The following PAK5 variants were observed in gnomAD, a reference collection of about 807,000 sequenced individuals.
The protein encoded by PAK5 is serine/threonine-protein kinase PAK 5.
A neutral mutation model predicts 65.9 loss-of-function variants in PAK5; 16 were observed. That is an observed-to-expected ratio of 0.24 (90% CI 0.16 to 0.37). The LOEUF is 0.37. Among genes scored for constraint, PAK5 ranks in the 10% least tolerant of loss-of-function variants. The probability of loss-of-function intolerance (pLI) is 1.00; values close to 1 mark genes in which losing one functional copy is unlikely to be tolerated. For synonymous variants in PAK5, 371 were observed against 354.9 expected, an observed-to-expected ratio of 1.05 and a Z score of -0.51; for missense variants, 785 against 903.9, an observed-to-expected ratio of 0.87 and a Z score of 1.69.
At chr20:9,662,566 GAGA>G (rs746078135) in intron 2 of PAK5, among the ~76,000 whole-genome samples, 9 of 152,130 alleles carry the variant, frequency 5.9e-5, no homozygotes, top group Non-Finnish European at 1.2e-4. Context: ...GCTGGATGCA[GAGA>G]AGAACAAAGT....
intron 2 of PAK5, among the ~76,000 whole-genome samples, chr20:9,663,793 T>C (rs2014329296): frequency 6.6e-6 from 1 of 152,158 alleles, no homozygotes; most frequent in South Asian, 2.1e-4. Context: ...TGCGAACTTT[T>C]TGAATAACAC....
intron 3 of PAK5, among the ~76,000 whole-genome samples, chr20:9,606,498 C>T (rs752715488): frequency 2.0e-5 from 3 of 152,134 alleles, no homozygotes; most frequent in Admixed American, 6.5e-5. Context: ...ACATGTGGAC[C>T]GTAGCCCAGG....
At chr20:9,832,776 A>G (rs1421938289) in intron 1 of PAK5, among the ~76,000 whole-genome samples, 1 of 152,234 alleles carries the variant, frequency 6.6e-6, no homozygotes, top group African/African-American at 2.4e-5. Context: ...AATAGTAATA[A>G]CATTTATTAA....
chr20:9,669,879 A>C (rs1009275696), intron 2 of PAK5, among the ~76,000 whole-genome samples: 2 of 152,008 alleles, frequency 1.3e-5, no homozygotes, highest in Admixed American at 6.6e-5. Flanking sequence ...CCATTAACCC[A>C]ACATTTAGCA....
At chr20:9,734,884 C>T (rs935035708) in intron 1 of PAK5, among the ~76,000 whole-genome samples, 7 of 152,096 alleles carry the variant, frequency 4.6e-5, no homozygotes, top group Admixed American at 1.3e-4. Flanking sequence ...AGCCCCAGAA[C>T]AACAAAAGGG....
intron 2 of PAK5, among the ~76,000 whole-genome samples, chr20:9,676,303 T>C (rs1479032798): frequency 6.6e-6 from 1 of 152,080 alleles, no homozygotes; most frequent in Non-Finnish European, 1.5e-5. Flanking sequence ...CCAAACCATA[T>C]CAAACTGCTT....
intron 1 of PAK5, among the ~76,000 whole-genome samples, chr20:9,803,490 A>G (rs917913378): frequency 6.6e-6 from 1 of 152,196 alleles, no homozygotes; most frequent in Non-Finnish European, 1.5e-5. Context: ...TTATATGCAA[A>G]TAATTGGAAT....
At chr20:9,545,328 C>G (rs143753009) in intron 7 of PAK5, among the ~76,000 whole-genome samples, 2 of 152,030 alleles carry the variant, frequency 1.3e-5, no homozygotes, top group Non-Finnish European at 2.9e-5. Flanking sequence ...TCTAGATGAC[C>G]GGGATTCAGT....
At chr20:9,591,395 A>G (rs2046168015) in intron 3 of PAK5, among the ~76,000 whole-genome samples, 1 of 152,168 alleles carries the variant, frequency 6.6e-6, no homozygotes. Flanking sequence ...AAACCCTTTG[A>G]GATACAATGA....
At chr20:9,745,558 T>C (rs1007365945) in intron 1 of PAK5, among the ~76,000 whole-genome samples, 3 of 152,146 alleles carry the variant, frequency 2.0e-5, no homozygotes, top group Non-Finnish European at 2.9e-5. Flanking sequence ...TTATTAGTGT[T>C]GCAATATTCT....
chr20:9,755,062 T>C (rs1439048355), intron 1 of PAK5, among the ~76,000 whole-genome samples: 1 of 152,196 alleles, frequency 6.6e-6, no homozygotes, highest in African/African-American at 2.4e-5. Flanking sequence ...GTAAATGTAA[T>C]CTTTTCAATT....
At chr20:9,763,136 G>A (rs891096637) in intron 1 of PAK5, among the ~76,000 whole-genome samples, 9 of 152,022 alleles carry the variant, frequency 5.9e-5, no homozygotes. Context: ...GGGAAGCAAT[G>A]GTTAGAGGGT....
intron 7 of PAK5, 40 bp from the exon 8 acceptor site, chr20:9,544,534 A>T (rs1349562883): frequency 6.3e-7 from 1 of 1,596,868 alleles, no homozygotes; most frequent in Non-Finnish European, 8.6e-7. Flanking sequence ...CAATTTTAAA[A>T]CAATGTCTGC....
chr20:9,822,093 A>C (rs180895835), intron 1 of PAK5, among the ~76,000 whole-genome samples: 3 of 152,190 alleles, frequency 2.0e-5, no homozygotes, highest in Admixed American at 1.3e-4. Context: ...GTTCGAGACC[A>C]GCTTGGGCAA....
intron 1 of PAK5, among the ~76,000 whole-genome samples, chr20:9,804,482 C>T (rs1041268029): frequency 1.3e-5 from 2 of 152,130 alleles, no homozygotes; most frequent in Non-Finnish European, 2.9e-5. Flanking sequence ...ATATTTTCAA[C>T]AAATGGTGCT....
intron 2 of PAK5, among the ~76,000 whole-genome samples, chr20:9,695,860 C>A (rs1304782608): frequency 2.9e-5 from 4 of 140,188 alleles, no homozygotes; most frequent in African/African-American, 9.8e-5. Context: ...TAAAAACCAA[C>A]CCTCAGCATA....
chr20:9,673,732 A>C (rs2047531460), intron 2 of PAK5, among the ~76,000 whole-genome samples: 2 of 152,142 alleles, frequency 1.3e-5, no homozygotes, highest in Non-Finnish European at 2.9e-5. Context: ...CTTGTCCATC[A>C]GTATACTGTA....
intron 7 of PAK5, among the ~76,000 whole-genome samples, chr20:9,555,352 C>A (rs1445878472): frequency 6.6e-6 from 1 of 152,124 alleles, no homozygotes; most frequent in Non-Finnish European, 1.5e-5. Context: ...AAAAATCTTG[C>A]ACATTGAGGG....
chr20:9,596,045 C>G (rs1301048617), intron 3 of PAK5, among the ~76,000 whole-genome samples: 1 of 152,180 alleles, frequency 6.6e-6, no homozygotes, highest in Non-Finnish European at 1.5e-5. Context: ...ATTTGCCACA[C>G]CTTTATTACA....
Sources: gnomAD v4.1 joint callset for allele counts (sites outside exome capture counted in the v4.1 genomes callset) on GRCh38, gnomAD v4.1.1 for gene constraint, MANE v1.5 for transcripts, NCBI Gene and HGNC (gene_info 2026-07-23, HGNC 2026-07-21) for gene names.